The following USP40 variants were observed in gnomAD, a reference collection of about 807,000 sequenced individuals.
USP40 encodes the protein ubiquitin carboxyl-terminal hydrolase 40.
USP40 carries 143 observed loss-of-function variants against 166.2 expected under a neutral mutation model. That is an observed-to-expected ratio of 0.86 (90% confidence interval 0.75 to 0.99). The LOEUF (loss-of-function observed/expected upper bound fraction) is 0.99. Ranked by LOEUF, USP40 falls within the 50% of genes least tolerant of loss-of-function variation. The probability of loss-of-function intolerance (pLI) is 0.00; values close to 1 mark genes in which losing one functional copy is unlikely to be tolerated. For synonymous variants in USP40, 498 were observed against 524.0 expected, an observed-to-expected ratio of 0.95 and a Z score of 0.68; for missense variants, 1,444 against 1,479.7, an observed-to-expected ratio of 0.98 and a Z score of 0.40.
intron 8 of USP40, among the ~76,000 whole-genome samples, chr2:233,547,666 C>T (rs1559276402): frequency 6.6e-6 from 1 of 152,162 alleles, no homozygotes; most frequent in African/African-American, 2.4e-5. Flanking sequence ...GGGAACTAGA[C>T]ACCGGTTAGC....
At chr2:233,491,452 A>G (rs2065331776) in intron 25 of USP40, 191 bp from the exon 26 acceptor site, 1 of 597,946 alleles carries the variant, frequency 1.7e-6, no homozygotes, top group African/African-American at 1.9e-5. Flanking sequence ...CAGACTCCCA[A>G]GAGGTCTGTG....
intron 14 of USP40, among the ~76,000 whole-genome samples, chr2:233,524,779 T>G (rs1485576339): frequency 6.6e-6 from 1 of 152,192 alleles, no homozygotes; most frequent in Non-Finnish European, 1.5e-5. Flanking sequence ...ACAAGAGAGA[T>G]AATCCAAAGG....
At chr2:233,551,603 A>C (rs1185811514) in intron 6 of USP40, 84 bp from the exon 7 acceptor site, 2 of 1,289,652 alleles carry the variant, frequency 1.6e-6, no homozygotes, top group African/African-American at 1.5e-5. Context: ...CTGAAAAAAC[A>C]ACCTATGACA....
chr2:233,555,624 T>TA (rs970332247), intron 5 of USP40, among the ~76,000 whole-genome samples: 19 of 149,198 alleles, frequency 1.3e-4, no homozygotes, highest in African/African-American at 3.7e-4. Context: ...TTTCCAAACT[T>TA]AAAAAATCAC....
chr2:233,548,043 T>C lies in USP40; in HGVS notation c.966+1058A>G, dbSNP rs115490383. ...GAAAAAAATGAACAATGGAATAGAA[T>C]AGAGAGCTGAAAAACAGACTCACAC... On this transcript the variant is annotated intron_variant, in intron 8 of 31. Transcript: ENST00000678225. 5.8e-3 allele frequency among the ~76,000 whole-genome samples: 877 copies of C among 152,184 alleles called. 10 individuals carry two copies. Among genetic ancestry groups the C allele is most frequent in the African/African-American group, 0.02 (818 of 41,544 alleles).
Position 233,498,555 on chromosome 2 carries a change from C to T in USP40, c.2708G>A (p.Cys903Tyr). 1 of 1,613,194 alleles carries T rather than the reference C, an allele frequency of 6.2e-7. No individual in the cohort carries two copies. Among genetic ancestry groups the T allele is most frequent in the Non-Finnish European group, 8.5e-7 (1 of 1,179,532 alleles). The change falls in exon 23 of 32, where the codon TGT (cysteine) becomes TAT (tyrosine). Residue 903 changes from cysteine to tyrosine, a missense_variant. Cys to Tyr is a radical substitution (Grantham distance 194, BLOSUM62 -2). Coordinates refer to ENST00000678225, the MANE Select transcript of USP40 (RefSeq NM_001365479.2). ...GTATAGAAATCATCTTACTTCTTCA[C>T]ATAAAGGCTCTCCAGCTTCATAGCA... ...DWCYEAGEPL[C>Y]EEDATLKELL...
intron 23 of USP40, 48 bp downstream of exon 23, chr2:233,498,500 G>A (rs953798019): frequency 1.9e-6 from 3 of 1,549,544 alleles, no homozygotes; most frequent in Admixed American, 1.8e-5. Flanking sequence ...ACGAAAATAT[G>A]ACATAAATGT....
chr2:233,525,771 G>A (rs2067981590), intron 13 of USP40, among the ~76,000 whole-genome samples: 1 of 152,188 alleles, frequency 6.6e-6, no homozygotes, highest in Admixed American at 6.5e-5. Context: ...CTCCATTCCT[G>A]AGTGAAGAAT....
At chr2:233,551,660 A>G (rs914109156) in intron 6 of USP40, 141 bp from the exon 7 acceptor site, 5 of 807,322 alleles carry the variant, frequency 6.2e-6, no homozygotes, top group African/African-American at 3.5e-5. Context: ...TGGATTCAAC[A>G]TAACTCGATG....
intron 8 of USP40, chr2:233,546,651 T>C (rs1257308295): frequency 2.0e-5 from 3 of 152,116 alleles, no homozygotes; most frequent in African/African-American, 4.8e-5. Flanking sequence ...GCAATGGGAA[T>C]GGGCAAGGCA....
chr2:233,479,572 A>AAAG (rs2064414698), intron 31 of USP40, among the ~76,000 whole-genome samples: 1 of 151,888 alleles, frequency 6.6e-6, no homozygotes, highest in African/African-American at 2.4e-5. Context: ...AAAAAAAAAA[A>AAAG]AAAATTTGGA....
intron 26 of USP40, 132 bp from the exon 27 acceptor site, chr2:233,489,615 C>T (rs2065176617): frequency 2.7e-6 from 2 of 736,018 alleles, no homozygotes; most frequent in Admixed American, 3.0e-5. Flanking sequence ...ATGATAACAT[C>T]ATTTTAAAAG....
At chr2:233,519,088 T>C (rs1458148464) in intron 18 of USP40, among the ~76,000 whole-genome samples, 2 of 152,178 alleles carry the variant, frequency 1.3e-5, no homozygotes, top group African/African-American at 2.4e-5. Context: ...GAAAGCAGAT[T>C]AGTGGTTGCC....
intron 13 of USP40, among the ~76,000 whole-genome samples, 157 bp from the exon 14 acceptor site, chr2:233,525,719 C>T (rs1321956019): frequency 6.6e-6 from 1 of 152,130 alleles, no homozygotes; most frequent in East Asian, 1.9e-4. Flanking sequence ...GAAAAGAAGG[C>T]ATCACTTGTT....
At chr2:233,538,390 G>A (rs1432806305) in intron 10 of USP40, among the ~76,000 whole-genome samples, 1 of 151,946 alleles carries the variant, frequency 6.6e-6, no homozygotes, top group Non-Finnish European at 1.5e-5. Context: ...ATCAACACAG[G>A]CAAAGTCGTT....
At chr2:233,545,330 T>C (rs1408177892) in intron 8 of USP40, among the ~76,000 whole-genome samples, 1 of 152,202 alleles carries the variant, frequency 6.6e-6, no homozygotes, top group Non-Finnish European at 1.5e-5. Context: ...ATATGACAAG[T>C]TGATCCAGAT....
At chr2:233,501,157 G>A (rs1428367315) in intron 21 of USP40, among the ~76,000 whole-genome samples, 1 of 152,144 alleles carries the variant, frequency 6.6e-6, no homozygotes, top group Non-Finnish European at 1.5e-5. Flanking sequence ...CTTAAACATT[G>A]TATTTAAGAA....
chr2:233,531,119 C>T (rs2068490145), intron 11 of USP40, among the ~76,000 whole-genome samples: 1 of 151,982 alleles, frequency 6.6e-6, no homozygotes, highest in African/African-American at 2.4e-5. Flanking sequence ...TTGAGTAATT[C>T]ACTCCCTTCC....
intron 31 of USP40, among the ~76,000 whole-genome samples, chr2:233,478,459 T>C (rs1170177031): frequency 6.6e-6 from 1 of 152,218 alleles, no homozygotes; most frequent in Non-Finnish European, 1.5e-5. Flanking sequence ...TGGCAAGCGA[T>C]TTGCAGTTCC....
Sources: allele counts gnomAD v4.1 joint callset (sites outside exome capture counted in the v4.1 genomes callset), GRCh38; gene constraint gnomAD v4.1.1; transcripts MANE v1.5; gene names NCBI Gene and HGNC (gene_info 2026-07-23, HGNC 2026-07-21).